The following DNM3 variants were observed in gnomAD, a reference collection of about 807,000 sequenced individuals.
DNM3 encodes dynamin 3.
DNM3 carries 47 observed loss-of-function variants against 101.6 expected under a neutral mutation model. The observed-to-expected ratio is 0.46, with a 90% CI of 0.37 to 0.59. DNM3 has a LOEUF of 0.59. DNM3 is among the 20% of genes least tolerant of loss of function. DNM3 has a pLI of 0.00. For synonymous variants in DNM3, 385 were observed against 387.9 expected, an observed-to-expected ratio of 0.99 and a Z score of 0.09; for missense variants, 849 against 1,085.7, an observed-to-expected ratio of 0.78 and a Z score of 3.06.
At chr1:172,030,042 A>G (rs1300857481) in intron 4 of DNM3, among the ~76,000 whole-genome samples, 1 of 152,212 alleles carries the variant, frequency 6.6e-6, no homozygotes, top group African/African-American at 2.4e-5. Flanking sequence ...TCTTCAAAGA[A>G]TTAGAAAAAA....
At chr1:172,293,591 G>T (rs1473362721) in intron 15 of DNM3, among the ~76,000 whole-genome samples, 1 of 152,176 alleles carries the variant, frequency 6.6e-6, no homozygotes, top group East Asian at 1.9e-4. Context: ...TGAGAACCTG[G>T]AAGCTTCATC....
Position 171,950,213 on chromosome 1 carries a change from A to G in DNM3, c.235+28392A>G, listed in dbSNP as rs1338041283. On this transcript the variant is annotated intron_variant, in intron 2 of 20. Transcript: ENST00000627582. ...GCAGCGTGAAAGAAGCCAGAAAAAA[A>G]AGAGTATATATAGTATGATTCTGCA... Among the ~76,000 whole-genome samples the G allele has an allele frequency of 3.9e-5, 6 of 152,318 alleles. No individual in the cohort carries two copies. The East Asian group carries it at 1.2e-3, about 29-fold the overall frequency.
chr1:172,174,565 A>C (rs1437935140), intron 14 of DNM3, among the ~76,000 whole-genome samples: 1 of 151,710 alleles, frequency 6.6e-6, no homozygotes, highest in African/African-American at 2.4e-5. Flanking sequence ...ACATTTTTTA[A>C]CAAATGTCTC....
intron 11 of DNM3, among the ~76,000 whole-genome samples, chr1:172,073,949 T>C (rs1048297448): frequency 1.3e-4 from 20 of 152,124 alleles, no homozygotes; most frequent in Non-Finnish European, 5.9e-5. Context: ...CGTCTCCCCA[T>C]TGAATACTAT....
rs75940028 is a variant in DNM3 at position 172,273,507 on chromosome 1, T to C, written c.1769+19825T>C. Among the ~76,000 whole-genome samples, 542 of 152,188 alleles carry C rather than the reference T, an allele frequency of 3.6e-3. 11 individuals carry two copies. The highest frequency in any genetic ancestry group is 0.035 in the East Asian group (179 of 5,182). ...CTGTACATAGGCCCAAGGGAAACTT[T>C]AGGATTTCAAAATCACAATGTATTG... On this transcript the variant is annotated intron_variant, in intron 15 of 20. Coordinates refer to ENST00000627582, the MANE Select transcript of DNM3 (RefSeq NM_015569.5).
At chr1:172,114,961 G>A (rs1167761024) in intron 13 of DNM3, among the ~76,000 whole-genome samples, 1 of 151,968 alleles carries the variant, frequency 6.6e-6, no homozygotes, top group African/African-American at 2.4e-5. Flanking sequence ...AATGTTGTTG[G>A]CAGGATGAAA....
At chr1:172,218,920 C>A (rs907006765) in intron 14 of DNM3, among the ~76,000 whole-genome samples, 1 of 152,130 alleles carries the variant, frequency 6.6e-6, no homozygotes, top group African/African-American at 2.4e-5. Flanking sequence ...TGCTTCTCAT[C>A]ACACCTTCTT....
At chr1:171,999,133 G>A (rs138747348) in intron 4 of DNM3, among the ~76,000 whole-genome samples, 101 of 152,162 alleles carry the variant, frequency 6.6e-4, no homozygotes, top group African/African-American at 2.2e-3. Flanking sequence ...GACTGAAGAC[G>A]GGCATGAATG....
At chr1:172,117,886 A>G (rs10158753) in intron 13 of DNM3, among the ~76,000 whole-genome samples, 91,032 of 152,064 alleles carry the variant, frequency 0.6, 27,974 homozygotes, top group African/African-American at 0.73. Context: ...TTGCTTGGTA[A>G]GAAGAAAGAC....
intron 14 of DNM3, among the ~76,000 whole-genome samples, chr1:172,177,165 C>T (rs1462529580): frequency 7.9e-5 from 12 of 151,650 alleles, no homozygotes; most frequent in Non-Finnish European, 2.9e-5. Flanking sequence ...GTTTCTTTTG[C>T]AGTAGTCCTC....
intron 4 of DNM3, among the ~76,000 whole-genome samples, chr1:172,021,000 T>C (rs927194306): frequency 6.6e-6 from 1 of 152,226 alleles, no homozygotes; most frequent in East Asian, 1.9e-4. Context: ...TGATTCTCTA[T>C]ATTCACCTGT....
intron 2 of DNM3, among the ~76,000 whole-genome samples, chr1:171,936,597 C>A (rs1314004192): frequency 6.6e-6 from 1 of 152,032 alleles, no homozygotes; most frequent in Non-Finnish European, 1.5e-5. Flanking sequence ...AGTATTCTTT[C>A]TTTTGTAGAA....
At chr1:172,086,690 A>G (rs1487541785) in intron 12 of DNM3, among the ~76,000 whole-genome samples, 1 of 152,170 alleles carries the variant, frequency 6.6e-6, no homozygotes, top group Non-Finnish European at 1.5e-5. Flanking sequence ...GTCCTACTTT[A>G]TTGACAGCTT....
intron 13 of DNM3, among the ~76,000 whole-genome samples, chr1:172,103,089 A>G (rs933776069): frequency 1.3e-5 from 2 of 152,146 alleles, no homozygotes; most frequent in African/African-American, 4.8e-5. Context: ...AATAATGCAG[A>G]TAAAATAAAT....
chr1:172,046,231 AATG>A (rs1159565646), intron 9 of DNM3, among the ~76,000 whole-genome samples: 1 of 152,170 alleles, frequency 6.6e-6, no homozygotes, highest in Non-Finnish European at 1.5e-5. Flanking sequence ...AGCCATAAAA[AATG>A]ATGAGTTCAT....
At chr1:172,283,780 A>AAAACAAAAAAAAG (rs1553221113) in intron 15 of DNM3, among the ~76,000 whole-genome samples, 1 of 119,090 alleles carries the variant, frequency 8.4e-6, no homozygotes, top group African/African-American at 3.4e-5. Context: ...AAAAAAAAAA[A>AAAACAAAAAAAAG]AAAGAAAGAA....
At chr1:172,141,783 T>A (rs182945282) in intron 14 of DNM3, among the ~76,000 whole-genome samples, 1 of 152,126 alleles carries the variant, frequency 6.6e-6, no homozygotes, top group Non-Finnish European at 1.5e-5. Flanking sequence ...ATATTAAGCC[T>A]ATTGACTAAC....
At chr1:172,019,529 T>A (rs909246538) in intron 4 of DNM3, among the ~76,000 whole-genome samples, 2 of 152,030 alleles carry the variant, frequency 1.3e-5, no homozygotes, top group Non-Finnish European at 2.9e-5. Context: ...CTGATGTTAA[T>A]TTGGGGGGAA....
chr1:172,297,190 G>C (rs1326176675), intron 15 of DNM3, among the ~76,000 whole-genome samples: 12 of 147,804 alleles, frequency 8.1e-5, no homozygotes, highest in Admixed American at 8.1e-4. Context: ...GTAGTGTTTT[G>C]TTAAATACTA....
Sources: allele counts gnomAD v4.1 joint callset (sites outside exome capture counted in the v4.1 genomes callset), GRCh38; gene constraint gnomAD v4.1.1; transcripts MANE v1.5; gene names NCBI Gene and HGNC (gene_info 2026-07-23, HGNC 2026-07-21).